Variants in DACT2 observed in about 807,000 individuals in gnomAD.
DACT2 encodes dapper homolog 2.
DACT2 carries 20 observed loss-of-function variants against 22.2 expected under a neutral mutation model. That is an observed-to-expected ratio of 0.90 (90% CI 0.63 to 1.31). DACT2 has a LOEUF of 1.31. Ranked by LOEUF, DACT2 falls within the 50% of genes most tolerant of loss-of-function variation. The probability of loss-of-function intolerance (pLI) is 0.00; values close to 1 mark genes in which losing one functional copy is unlikely to be tolerated. For synonymous variants in DACT2, 463 were observed against 479.8 expected (o/e 0.96, Z 0.46); for missense variants, 1,048 against 1,061.4 (o/e 0.99, Z 0.18).
downstream of DACT2, among the ~76,000 whole-genome samples, chr6:168,303,260 T>C (rs1779142491): frequency 6.6e-6 from 1 of 152,172 alleles, no homozygotes; most frequent in African/African-American, 2.4e-5. Context: ...CTGCTATGGT[T>C]TGCGTGTGGT....
chr6:168,305,413 G>A (rs1779184358), downstream of DACT2, among the ~76,000 whole-genome samples: 1 of 152,166 alleles, frequency 6.6e-6, no homozygotes, highest in Non-Finnish European at 1.5e-5. Flanking sequence ...CTCTCCTTAT[G>A]GGCTGATTCC....
intron 1 of DACT2, among the ~76,000 whole-genome samples, 172 bp downstream of exon 1, chr6:168,319,214 CGG>C (rs982118177): frequency 6.6e-6 from 1 of 152,128 alleles, no homozygotes; most frequent in African/African-American, 2.4e-5. Context: ...CACCTGCGCG[CGG>C]GGCCTCCATG....
Position 168,309,069 on chromosome 6 carries a change from T to G in DACT2, c.688A>C (p.Thr230Pro). ...GDLDRALPAD[T>P]GLQKASADAE... ...TCCGCGCTGGCTTTCTGGAGCCCCGTGTCCGCCGGCAGGGCTCTGTCAAGA... is the reference window on the plus strand; with the variant it reads ...TCCGCGCTGGCTTTCTGGAGCCCCGGGTCCGCCGGCAGGGCTCTGTCAAGA... Residue 230 changes from threonine to proline, a missense_variant, in exon 4 of 4, where the codon ACG becomes CCG. Transcript: ENST00000366795. 1 of 1,535,786 alleles carries G rather than the reference T, an allele frequency of 6.5e-7. No homozygotes were observed. The highest frequency in any genetic ancestry group is 8.7e-7 in the Non-Finnish European group (1 of 1,143,468).
chr6:168,304,031 G>A (rs1418771246), downstream of DACT2, among the ~76,000 whole-genome samples: 2 of 152,072 alleles, frequency 1.3e-5, no homozygotes, highest in Admixed American at 1.3e-4. Flanking sequence ...TTTATTGTAA[G>A]CATGCTAGAA....
chr6:168,307,971 A>G lies in DACT2; in HGVS notation c.1786T>C (p.Ser596Pro), dbSNP rs769964333. 3 of 1,551,078 alleles carry G rather than the reference A, an allele frequency of 1.9e-6. No individual in the cohort carries two copies. The South Asian group carries it at 3.6e-5, about 18-fold the overall frequency. ...CTCCTGGCCACTGAGGTGAGCAGTG[A>G]CGCCTCAAAGGGGAACAGGGCTTGG... ...SAQALFPFEA[S>P]LLTSVARRKH... The change falls in exon 4 of 4, where the codon TCA becomes CCA. Residue 596 changes from serine (S) to proline (P), a missense_variant. Physicochemically the swap from Ser to Pro is moderately conservative, Grantham distance 74. Coordinates refer to ENST00000366795, the MANE Select transcript of DACT2 (RefSeq NM_214462.5). This position sits in a 1 kb window ranked among gnomAD's most constrained non-coding sequence, Gnocchi z 5.3.
chr6:168,293,631 AT>A (rs1778948971), exon 6 of DACT2: 1 of 477,886 alleles, frequency 2.1e-6, no homozygotes, highest in Non-Finnish European at 3.8e-6. Flanking sequence ...TTTCCAGTCT[AT>A]TTGTTAGGGA....
At chr6:168,294,697 G>A in exon 4 of DACT2, 2 of 1,494,048 alleles carry the variant, frequency 1.3e-6, no homozygotes, top group Non-Finnish European at 8.9e-7. Context: ...CTGGAGCATT[G>A]CACAGCTCTG....
At chr6:168,301,277 C>T (rs2114896516) in intron 3 of DACT2, among the ~76,000 whole-genome samples, 1 of 152,316 alleles carries the variant, frequency 6.6e-6, no homozygotes, top group African/African-American at 2.4e-5. Flanking sequence ...TTCAGCCTCC[C>T]AGAGAACGGG....
At chr6:168,319,002 C>T (rs1427695785) in intron 1 of DACT2, among the ~76,000 whole-genome samples, 1 of 152,016 alleles carries the variant, frequency 6.6e-6, no homozygotes, top group Non-Finnish European at 1.5e-5. Flanking sequence ...GCCAGGATCC[C>T]GAGCCGACCT....
chr6:168,312,667 G>T (rs532612071), intron 1 of DACT2, among the ~76,000 whole-genome samples: 3 of 152,156 alleles, frequency 2.0e-5, no homozygotes, highest in Non-Finnish European at 4.4e-5. Flanking sequence ...GAACAACTAC[G>T]ATTAAGGCAA....
chr6:168,296,588 G>A (rs887822398), intron 3 of DACT2, among the ~76,000 whole-genome samples: 15 of 150,326 alleles, frequency 1.0e-4, no homozygotes, highest in African/African-American at 1.0e-4. Flanking sequence ...CATCCACAGC[G>A]GTGAGGAGAT....
intron 1 of DACT2, 114 bp downstream of exon 1, chr6:168,319,274 C>T: frequency 1.0e-6 from 1 of 968,100 alleles, no homozygotes; most frequent in Non-Finnish European, 1.3e-6. Context: ...TCCCAAAGGA[C>T]GTCCCCTCCA....
intron 1 of DACT2, among the ~76,000 whole-genome samples, chr6:168,315,359 G>A (rs1779517167): frequency 6.6e-6 from 1 of 152,090 alleles, no homozygotes; most frequent in Non-Finnish European, 1.5e-5. Flanking sequence ...TAACCCTTAT[G>A]AATATGGGAA....
At chr6:168,300,150 T>C (rs1421659870) in intron 3 of DACT2, 2 of 152,392 alleles carry the variant, frequency 1.3e-5, no homozygotes, top group Non-Finnish European at 2.9e-5. Context: ...AGAGGCTCTA[T>C]TGCCTTTTCC....
At position 168,307,883 on chromosome 6, in the gene DACT2, G is replaced by C; in HGVS notation, c.1874C>G (p.Pro625Arg). Residue 625 changes from proline to arginine, a missense_variant, in exon 4 of 4, where the codon CCT (proline) becomes CGT (arginine). By Grantham distance (103) the Pro-to-Arg change is moderately radical (BLOSUM62 -2). Transcript: ENST00000366795. The surrounding 1 kb of genome is among the most constrained non-coding windows in gnomAD (Gnocchi z 5.3). ...CCTGGGGGGCCCCAGGTTAGACTCA[G>C]GACAGCTGGCCAGGCGGGCCCGGGC... ...ISARARLASC[P>R]ESNLGPPRPV... is the part of the protein sequence containing the mutation. 6.5e-7 allele frequency: 1 copy of C among 1,539,736 alleles called. No homozygotes were observed. Among genetic ancestry groups the C allele is most frequent in the Non-Finnish European group, 8.7e-7 (1 of 1,146,198 alleles).
At chr6:168,297,839 G>C (rs888261144) in intron 3 of DACT2, among the ~76,000 whole-genome samples, 1 of 152,254 alleles carries the variant, frequency 6.6e-6, no homozygotes, top group African/African-American at 2.4e-5. Context: ...TGGTCAGTGG[G>C]GCAATGGCCC....
At chr6:168,306,799 T>TA (rs562592862), downstream of DACT2, 77 of 819,698 alleles carry the variant, frequency 9.4e-5, no homozygotes, top group Non-Finnish European at 1.1e-4. Context: ...TACTCACTTA[T>TA]AAGATGCCTT....
rs377662346 is a variant in DACT2, at chr6:168,308,413, C to T, written c.1344G>A (p.Gln448=). 1 of 1,551,666 alleles carries T rather than the reference C, an allele frequency of 6.4e-7. No individual in the cohort carries two copies. The highest frequency in any genetic ancestry group is 1.4e-5 in the African/African-American group (1 of 73,048). Residue 448 remains glutamine (Q), a synonymous_variant, in exon 4 of 4, where the codon CAG becomes CAA. Coordinates refer to ENST00000366795, the MANE Select transcript of DACT2 (RefSeq NM_214462.5). The stretch of plus-strand genomic sequence containing the variant: ...GTCCATAGTCCTGAGCTGAGGGTGT[C>T]TGCTGGGCCTTTGAGCTGGGAGAAG... The part of the protein sequence containing the change: ...VQASPSSKAQ[Q]TPSAQDYGRG...
In DACT2 at chr6:168,306,974, C is replaced by A; in HGVS notation, c.*458G>T. The A allele has an allele frequency of 1.0e-6, 1 of 994,912 alleles. No homozygotes were observed. The highest frequency in any genetic ancestry group is 1.2e-6 in the Non-Finnish European group (1 of 835,486). The allele number at this position is 994,912 out of a possible 1,614,324, so 61.6% of individuals were successfully genotyped here. A position where few individuals can be genotyped will look rare whatever the true frequency, so the allele number is the denominator to read the frequency against. On this transcript the variant is annotated 3_prime_UTR_variant, in exon 4 of 4. Transcript: ENST00000366795. Reference sequence around the variant, plus strand: ...TAATTTGGGTGTTTGTGTATGCTGACAGCTTAACGTGGAGTTTAAACTCAA... The same window carrying A: ...TAATTTGGGTGTTTGTGTATGCTGAAAGCTTAACGTGGAGTTTAAACTCAA...
Sources: gnomAD v4.1 joint callset for allele counts (sites outside exome capture counted in the v4.1 genomes callset) on GRCh38, gnomAD v4.1.1 for gene constraint, Gnocchi (gnomAD v3.1) non-coding constraint, MANE v1.5 for transcripts, NCBI Gene and HGNC (gene_info 2026-07-23, HGNC 2026-07-21) for gene names.